Variants in RNASEH2C observed in about 807,000 individuals in gnomAD.
RNASEH2C encodes the protein ribonuclease H2 subunit C, also known as RNase H1 small subunit.
RNASEH2C carries 20 observed loss-of-function variants against 16.3 expected under a neutral mutation model. The ratio of observed to expected loss-of-function variants is 1.23; its 90% CI spans 0.86 to 1.79. The LOEUF (loss-of-function observed/expected upper bound fraction) is 1.79. RNASEH2C is among the 40% of genes most tolerant of loss of function. RNASEH2C has a pLI of 0.00. For synonymous variants in RNASEH2C, 106 were observed against 98.9 expected (o/e 1.07, Z -0.43); for missense variants, 296 against 235.9 (o/e 1.25, Z -1.67).
rs1857293357 is a variant in RNASEH2C, at chr11:65,718,743, C to T, written c.*1040G>A. Reference sequence around the variant, plus strand: ...GAGAGCGGGGAGAGGCCACAGATCACCATCAAGTGAGCCTGGCGCTGTCTA... The same window carrying T: ...GAGAGCGGGGAGAGGCCACAGATCATCATCAAGTGAGCCTGGCGCTGTCTA... On this transcript the variant is annotated 3_prime_UTR_variant, in exon 4 of 4. Transcript: ENST00000308418. 3 of 1,614,034 alleles carry T rather than the reference C, an allele frequency of 1.9e-6. No homozygotes were observed. The highest frequency in any genetic ancestry group is 2.5e-6 in the Non-Finnish European group (3 of 1,180,014).
In RNASEH2C at chr11:65,718,250, C is replaced by T; in HGVS notation, c.*1533G>A. ...TTCCTTACATGGCTAGACACAGAGC[C>T]CGGGATGGCAAAGGAAAATTGGAGG... On this transcript the variant is annotated 3_prime_UTR_variant, in exon 4 of 4. Transcript: ENST00000308418. 1 of 234,304 alleles carries T rather than the reference C, an allele frequency of 4.3e-6. No homozygotes were observed. The highest frequency in any genetic ancestry group is 8.4e-6 in the Non-Finnish European group (1 of 118,512). 14.5% of individuals were successfully genotyped at this position (234,304 alleles called of 1,614,324 possible).
chr11:65,719,398 GCCT>G lies in RNASEH2C; in HGVS notation c.*382_*384del. The G allele has an allele frequency of 1.6e-6, 1 of 629,108 alleles. No individual in the cohort carries two copies. Among genetic ancestry groups the G allele is most frequent in the Non-Finnish European group, 2.8e-6 (1 of 363,580 alleles). The allele number at this position is 629,108 out of a possible 1,614,324, so 39.0% of individuals were successfully genotyped here. A position where few individuals can be genotyped will look rare whatever the true frequency, so the allele number is the denominator to read the frequency against. On this transcript the variant is annotated 3_prime_UTR_variant, in exon 4 of 4. Coordinates refer to ENST00000308418, the MANE Select transcript of RNASEH2C (RefSeq NM_032193.4). Reference sequence around the variant, plus strand: ...CAAGGTCAGCTGGCCACAGGCCCAGGCCTCCTCTGAAGCAGGGACCAGAGGGAG... The same window carrying G: ...CAAGGTCAGCTGGCCACAGGCCCAGGCCTCTGAAGCAGGGACCAGAGGGAG...
chr11:65,720,537 C>A, intron 1 of RNASEH2C, 50 bp downstream of exon 1: 1 of 1,529,242 alleles, frequency 6.5e-7, no homozygotes. Context: ...GAGAAGCGCG[C>A]AGGCCGGCGC....
rs1857307119 is a variant in RNASEH2C, at chr11:65,719,084, A to G, written c.*699T>C. ...CTCACACTGTCAGAGGACATCGTGG[A>G]TGGCCATGAGCGGGCCATGCTCAAG... On this transcript the variant is annotated 3_prime_UTR_variant, in exon 4 of 4. Transcript: ENST00000308418. The G allele has an allele frequency of 1.2e-6, 2 of 1,614,056 alleles. No homozygotes were observed. Among genetic ancestry groups the G allele is most frequent in the Non-Finnish European group, 1.7e-6 (2 of 1,180,030 alleles).
At position 65,719,791 on chromosome 11, in the gene RNASEH2C, C is replaced by T. The variant is rs1222217297; in HGVS notation, c.487G>A (p.Glu163Lys). The T allele has an allele frequency of 2.5e-6, 4 of 1,613,974 alleles. No individual in the cohort carries two copies. Among genetic ancestry groups the T allele is most frequent in the African/African-American group, 1.3e-5 (1 of 74,886 alleles). ...LAAAIHAQVP[E>K]D ...ATTTCAAGCTCTGGTTCTCAGTCCT[C>T]GGGCACCTGTGCGTGAATCTGCAAC... Residue 163 changes from glutamate (E) to lysine (K), a missense_variant, in exon 4 of 4, where the codon GAG (glutamate) becomes AAG (lysine). Glu to Lys is a moderately conservative substitution (Grantham distance 56). Transcript: ENST00000308418.
chr11:65,718,487 C>CGT lies in RNASEH2C; in HGVS notation c.*1295_*1296insAC. Reference sequence around the variant, plus strand: ...GCATAGAACTGCCAAGTGGCAGGGCCATGATAGGAACTAGGCAGCCTGCCT... The same window carrying CGT: ...GCATAGAACTGCCAAGTGGCAGGGCCGTATGATAGGAACTAGGCAGCCTGCCT... On this transcript the variant is annotated 3_prime_UTR_variant, in exon 4 of 4. Transcript: ENST00000308418. The CGT allele has an allele frequency of 1.7e-6, 2 of 1,204,602 alleles. No homozygotes were observed. Among genetic ancestry groups the CGT allele is most frequent in the South Asian group, 1.4e-5 (1 of 70,962 alleles). 74.6% of individuals were successfully genotyped at this position (1,204,602 alleles called of 1,614,324 possible).
Position 65,718,292 on chromosome 11 carries a change from G to A in RNASEH2C, c.*1491C>T. On this transcript the variant is annotated 3_prime_UTR_variant, in exon 4 of 4. Coordinates refer to ENST00000308418, the MANE Select transcript of RNASEH2C (RefSeq NM_032193.4). ...AATTGGAGGCCCCTTCTTCCCATGA[G>A]CCATTTTCTCTGCATCCCCTGCCCA... is the stretch of plus-strand genomic sequence containing the variant. 1 of 303,382 alleles carries A rather than the reference G, an allele frequency of 3.3e-6. No individual in the cohort carries two copies. Among genetic ancestry groups the A allele is most frequent in the Non-Finnish European group, 6.2e-6 (1 of 162,008 alleles). The allele number at this position is 303,382 out of a possible 1,614,324, so 18.8% of individuals were successfully genotyped here.
chr11:65,719,245 C>A lies in RNASEH2C; in HGVS notation c.*538G>T, dbSNP rs905995665. On this transcript the variant is annotated 3_prime_UTR_variant, in exon 4 of 4. Transcript: ENST00000308418. ...ACTGGGGCTGATAGCCCACCCCGCC[C>A]CCACTGCAGCTCCCACAAAGCACTC... 3 of 1,564,980 alleles carry A rather than the reference C, an allele frequency of 1.9e-6. No homozygotes were observed. The highest frequency in any genetic ancestry group is 8.7e-7 in the Non-Finnish European group (1 of 1,149,508).
Position 65,718,450 on chromosome 11 carries a change from G to A in RNASEH2C, c.*1333C>T. 1.3e-6 allele frequency: 1 copy of A among 796,154 alleles called. No individual in the cohort carries two copies. The highest frequency in any genetic ancestry group is 2.0e-6 in the Non-Finnish European group (1 of 488,176). The allele number at this position is 796,154 out of a possible 1,614,324, so 49.3% of individuals were successfully genotyped here. ...TTCTTCCTGAGGGAACTGAGGCACA[G>A]AGAAGTGGAGGGCATAGAACTGCCA... On this transcript the variant is annotated 3_prime_UTR_variant, in exon 4 of 4. Transcript: ENST00000308418.
At position 65,718,300 on chromosome 11, in the gene RNASEH2C, C is replaced by T; in HGVS notation, c.*1483G>A. ...GCCCCTTCTTCCCATGAGCCATTTT[C>T]TCTGCATCCCCTGCCCATAAGCCTT... On this transcript the variant is annotated 3_prime_UTR_variant, in exon 4 of 4. Transcript: ENST00000308418. 2 of 319,456 alleles carry T rather than the reference C, an allele frequency of 6.3e-6. No individual in the cohort carries two copies. Among genetic ancestry groups the T allele is most frequent in the Non-Finnish European group, 5.8e-6 (1 of 172,342 alleles). 19.8% of individuals were successfully genotyped at this position (319,456 alleles called of 1,614,324 possible). A position where few individuals can be genotyped will look rare whatever the true frequency, so the allele number is the denominator to read the frequency against.
Position 65,720,153 on chromosome 11 carries a change from A to C in RNASEH2C, c.360T>G (p.Ile120Met), listed in dbSNP as rs1394246984. Reference protein sequence around the residue: ...EPLERDFDRFIGATANFSRFT... With the variant: ...EPLERDFDRFMGATANFSRFT... Reference sequence around the variant, plus strand: ...AGCGGCTGAAGTTGGCAGTGGCTCCAATGAAGCGGTCCTGGGGAAGGGGCC... The same window carrying C: ...AGCGGCTGAAGTTGGCAGTGGCTCCCATGAAGCGGTCCTGGGGAAGGGGCC... The change falls in exon 3 of 4, where the codon ATT becomes ATG. Residue 120 changes from isoleucine (I) to methionine (M), a missense_variant. By Grantham distance (10) the Ile-to-Met change is conservative. Transcript: ENST00000308418. 2.5e-6 allele frequency: 4 copies of C among 1,614,194 alleles called. No individual in the cohort carries two copies. The South Asian group carries it at 3.3e-5, about 13-fold the overall frequency.
Position 65,719,941 on chromosome 11 carries a change from C to T in RNASEH2C, c.468+104G>A, listed in dbSNP as rs529439894. ...GCTAGGAAGAGTGGTCAGGGAGCTA[C>T]GCTTCCCACACACTACCCAGTAGAA... On this transcript the variant is annotated intron_variant, in intron 3 of 3. Coordinates refer to ENST00000308418, the MANE Select transcript of RNASEH2C (RefSeq NM_032193.4). 1.9e-4 allele frequency: 304 copies of T among 1,599,732 alleles called. 1 individual carries two copies. The Middle Eastern group carries it at 3.3e-3, about 17-fold the overall frequency.
rs765857630 is a variant in RNASEH2C at position 65,720,031 on chromosome 11, CCT to C, written c.468+12_468+13del. On this transcript the variant is annotated intron_variant, in intron 3 of 3. Transcript: ENST00000308418. Reference sequence around the variant, plus strand: ...ATCCACCCGGGGGCAAGACGGAACTCCTCGTCTACTCACCGCTGCCGCAAGGC... The same window carrying C: ...ATCCACCCGGGGGCAAGACGGAACTCCGTCTACTCACCGCTGCCGCAAGGC... 1.2e-4 allele frequency: 201 copies of C among 1,612,730 alleles called. No individual in the cohort carries two copies. The highest frequency in any genetic ancestry group is 1.6e-4 in the Non-Finnish European group (194 of 1,180,044).
At position 65,718,554 on chromosome 11, in the gene RNASEH2C, A is replaced by G; in HGVS notation, c.*1229T>C. 6.3e-7 allele frequency: 1 copy of G among 1,595,550 alleles called. No individual in the cohort carries two copies. Among genetic ancestry groups the G allele is most frequent in the Non-Finnish European group, 8.6e-7 (1 of 1,168,474 alleles). On this transcript the variant is annotated 3_prime_UTR_variant, in exon 4 of 4. Coordinates refer to ENST00000308418, the MANE Select transcript of RNASEH2C (RefSeq NM_032193.4). ...TAAATGTTGCTTATGTTCATCTGTGACCTCTTACTCACCCTCTCCTGCTCC... is the reference window on the plus strand; with the variant it reads ...TAAATGTTGCTTATGTTCATCTGTGGCCTCTTACTCACCCTCTCCTGCTCC...
At chr11:65,719,865 C>T (rs775034021) in intron 3 of RNASEH2C, 56 bp from the exon 4 acceptor site, 1 of 1,610,516 alleles carries the variant, frequency 6.2e-7, no homozygotes, top group Non-Finnish European at 8.5e-7. Flanking sequence ...GCAAGCTGGC[C>T]CCCATACCCG....
chr11:65,719,595 C>A lies in RNASEH2C; in HGVS notation c.*188G>T. ...TATTGCCCCCGGCAATAAATTGTTT[C>A]TATATGCCAGAGCCATGCAAAGTTC... On this transcript the variant is annotated 3_prime_UTR_variant, in exon 4 of 4. Transcript: ENST00000308418. The A allele has an allele frequency of 2.9e-6, 2 of 699,312 alleles. No individual in the cohort carries two copies. Among genetic ancestry groups the A allele is most frequent in the Non-Finnish European group, 5.0e-6 (2 of 396,344 alleles). 43.3% of individuals were successfully genotyped at this position (699,312 alleles called of 1,614,324 possible).
At position 65,719,283 on chromosome 11, in the gene RNASEH2C, G is replaced by A. The variant is rs1051616456; in HGVS notation, c.*500C>T. The stretch of plus-strand genomic sequence containing the variant: ...CCACAAAGCACTCTAAGGGAGATGG[G>A]GCTGAGGACAGCTCAAAAAGGAGAG... On this transcript the variant is annotated 3_prime_UTR_variant, in exon 4 of 4. Coordinates refer to ENST00000308418, the MANE Select transcript of RNASEH2C (RefSeq NM_032193.4). 1.7e-5 allele frequency: 24 copies of A among 1,375,792 alleles called. No homozygotes were observed. The highest frequency in any genetic ancestry group is 2.4e-5 in the Non-Finnish European group (24 of 1,009,198). 85.2% of individuals were successfully genotyped at this position (1,375,792 alleles called of 1,614,324 possible).
chr11:65,720,076 C>T lies in RNASEH2C; in HGVS notation c.437G>A (p.Gly146Glu), dbSNP rs763128012. 3 of 1,613,974 alleles carry T rather than the reference C, an allele frequency of 1.9e-6. No individual in the cohort carries two copies. The highest frequency in any genetic ancestry group is 2.2e-5 in the South Asian group (2 of 91,094). The change falls in exon 3 of 4, where the codon GGG (glycine) becomes GAG (glutamate). Residue 146 changes from glycine to glutamate, a missense_variant. Transcript: ENST00000308418. ...TIPGPDAKVRGALTWPSLAAA... is the reference protein window; with the variant it reads ...TIPGPDAKVREALTWPSLAAA... ...CGCAAGGCTGGGCCAAGTTAAGGCC[C>T]CACGCACTTTGGCATCCGGGCCAGG...
Position 65,718,583 on chromosome 11 carries a change from G to T in RNASEH2C, c.*1200C>A. On this transcript the variant is annotated 3_prime_UTR_variant, in exon 4 of 4. Transcript: ENST00000308418. ...CTTACTCACCCTCTCCTGCTCCATTGCTTTAGGCTATGAACTCTCCAAAGT... is the reference window on the plus strand; with the variant it reads ...CTTACTCACCCTCTCCTGCTCCATTTCTTTAGGCTATGAACTCTCCAAAGT... 6.2e-7 allele frequency: 1 copy of T among 1,613,446 alleles called. No individual in the cohort carries two copies.
Sources: allele counts gnomAD v4.1 joint callset, GRCh38; gene constraint gnomAD v4.1.1; transcripts MANE v1.5; gene names NCBI Gene and HGNC (gene_info 2026-07-23, HGNC 2026-07-21).